SLC12A5: variants seen among roughly 807,000 people sequenced by gnomAD.
SLC12A5 encodes solute carrier family 12 member 5, also known as K-Cl cotransporter 2.
Under a neutral mutation model 124.0 loss-of-function variants are expected in SLC12A5, and 18 were observed. The observed-to-expected ratio is 0.15, with a 90% CI of 0.10 to 0.22. The LOEUF is 0.22. Ranked by LOEUF, SLC12A5 falls within the 10% of genes least tolerant of loss-of-function variation. The probability of loss-of-function intolerance (pLI) is 1.00; values close to 1 mark genes in which losing one functional copy is unlikely to be tolerated. For missense variants in SLC12A5, 867 were observed against 1,478.7 expected, an observed-to-expected ratio of 0.59 and a Z score of 6.78; for synonymous variants, 589 against 568.0, an observed-to-expected ratio of 1.04 and a Z score of -0.53.
chr20:46,060,124 CAAT>C lies in SLC12A5; in HGVS notation c.*2522_*2524del, dbSNP rs1413882628. The C allele has an allele frequency of 4.6e-5, 7 of 152,888 alleles. No homozygotes were observed. Among genetic ancestry groups the C allele is most frequent in the African/African-American group, 1.7e-4 (7 of 41,456 alleles). 9.5% of individuals were successfully genotyped at this position (152,888 alleles called of 1,614,324 possible). On this transcript the variant is annotated 3_prime_UTR_variant, in exon 26 of 26. Coordinates refer to ENST00000243964, the MANE Select transcript of SLC12A5 (RefSeq NM_020708.5). The stretch of plus-strand genomic sequence containing the variant: ...TTTAGACTCCCGTCTGCACAAAATG[CAAT>C]AAAAATAATTTTATTATACCCTTCA...
In SLC12A5 at chr20:46,041,491, T is replaced by C. The variant is rs746432944; in HGVS notation, c.1017T>C (p.Asn339=). ...ATCDEYFTRN[N]VTEIQGIPGA... is the part of the protein sequence containing the mutation. Reference sequence around the variant, plus strand: ...GTGATGAATACTTCACCCGAAACAATGTCACAGAGATCCAGGGCATCCCTG... The same window carrying C: ...GTGATGAATACTTCACCCGAAACAACGTCACAGAGATCCAGGGCATCCCTG... Residue 339 remains asparagine (N), a synonymous_variant, in exon 8 of 26, where the codon AAT becomes AAC. Transcript: ENST00000243964. The C allele has an allele frequency of 5.0e-6, 8 of 1,614,070 alleles. No individual in the cohort carries two copies. Among genetic ancestry groups the C allele is most frequent in the Non-Finnish European group, 6.8e-6 (8 of 1,180,014 alleles).
chr20:46,047,390 T>G, intron 14 of SLC12A5, 64 bp from the exon 15 acceptor site: 6 of 1,586,564 alleles, frequency 3.8e-6, no homozygotes, highest in Non-Finnish European at 5.2e-6. Flanking sequence ...TCTTGCTTTC[T>G]AAGTCCCAGC....
intron 11 of SLC12A5, 100 bp downstream of exon 11, chr20:46,044,033 G>A: frequency 1.7e-6 from 2 of 1,211,438 alleles, no homozygotes. Context: ...ACCTGTGTGA[G>A]GGGCCTGTGG....
Position 46,029,267 on chromosome 20 carries a change from G to A in SLC12A5, c.-78G>A, listed in dbSNP as rs1600585727. Reference sequence around the variant, plus strand: ...AGAGCGAGACAGAGCTACAGCGAACGAGAGAGCGGCGAAGGCGGGTAGAGG... The same window carrying A: ...AGAGCGAGACAGAGCTACAGCGAACAAGAGAGCGGCGAAGGCGGGTAGAGG... On this transcript the variant is annotated 5_prime_UTR_variant, in exon 1 of 26. Coordinates refer to ENST00000243964, the MANE Select transcript of SLC12A5 (RefSeq NM_020708.5). 5 of 1,500,858 alleles carry A rather than the reference G, an allele frequency of 3.3e-6. No individual in the cohort carries two copies. Among genetic ancestry groups the A allele is most frequent in the South Asian group, 1.3e-5 (1 of 76,360 alleles). The allele number at this position is 1,500,858 out of a possible 1,614,324, so 93.0% of individuals were successfully genotyped here. A position where few individuals can be genotyped will look rare whatever the true frequency, so the allele number is the denominator to read the frequency against.
intron 18 of SLC12A5, among the ~76,000 whole-genome samples, chr20:46,052,428 G>C (rs922971030): frequency 6.6e-6 from 1 of 152,196 alleles, no homozygotes; most frequent in Non-Finnish European, 1.5e-5. Flanking sequence ...AGCTGGGTTC[G>C]GTGGCTCACG....
chr20:46,023,599 C>T (rs549938440), downstream of SLC12A5: 194 of 396,844 alleles, frequency 4.9e-4, no homozygotes, highest in Admixed American at 7.9e-4. Context: ...ATTCTCTTTC[C>T]TCATTTGCTT....
At chr20:46,035,233 C>T (rs2084486711) in intron 2 of SLC12A5, 171 bp from the exon 3 acceptor site, 5 of 1,001,714 alleles carry the variant, frequency 5.0e-6, no homozygotes, top group Non-Finnish European at 7.6e-6. Flanking sequence ...GCCCTCTCCT[C>T]ATCCTACCAT....
rs368264831 is a variant in SLC12A5, at chr20:46,053,013, T to G, written c.2434T>G (p.Ser812Ala). ...HLALLVTKNV[S>A]MFPGNPERFS... ...AGCCCTGCTGGTCACCAAGAACGTT[T>G]CCATGTTTCCTGGGAACCCTGAGCG... Residue 812 changes from serine (S) to alanine (A), a missense_variant, in exon 19 of 26, where the codon TCC (serine) becomes GCC (alanine). Physicochemically the swap from Ser to Ala is moderately conservative, Grantham distance 99. Around this residue, in one of 9 missense-constraint regions of SLC12A5, gnomAD observed 110 missense variants for 149.9 expected, o/e 0.73. Transcript: ENST00000243964. The surrounding 1 kb of genome is among the most constrained non-coding windows in gnomAD (Gnocchi z 4.7). The G allele has an allele frequency of 8.1e-6, 13 of 1,613,982 alleles. No individual in the cohort carries two copies. The highest frequency in any genetic ancestry group is 1.3e-5 in the African/African-American group (1 of 74,922).
At chr20:46,027,621 G>A (rs1008744824), upstream of SLC12A5, 15 of 140,278 alleles carry the variant, frequency 1.1e-4, no homozygotes, top group African/African-American at 3.6e-4. Flanking sequence ...CATCTCAGAT[G>A]TAGTGCCTGT....
In SLC12A5 at chr20:46,043,089, C is replaced by G. The variant is rs1197299271; in HGVS notation, c.1067-64C>G. On this transcript the variant is annotated intron_variant, in intron 8 of 25. Transcript: ENST00000243964. The stretch of plus-strand genomic sequence containing the variant: ...CCTGACTTTTTGCCCCCTCCCACCT[C>G]CTGGTCCCAGAGCTCTGGTCCCCTT... The G allele has an allele frequency of 3.2e-6, 5 of 1,557,564 alleles. No individual in the cohort carries two copies. In the African/African-American group the frequency reaches 5.5e-5, roughly 17 times the overall value.
At position 46,041,401 on chromosome 20, in the gene SLC12A5, A is replaced by G. The variant is rs528584481; in HGVS notation, c.927A>G (p.Gly309=). ...TCTGTGCCAAGCTGGCTTGGGAAGGAAATGAGACGGTGACCACACGGCTAT... is the reference window on the plus strand; with the variant it reads ...TCTGTGCCAAGCTGGCTTGGGAAGGGAATGAGACGGTGACCACACGGCTAT... ...FDVCAKLAWE[G]NETVTTRLWG... is the part of the protein sequence containing the mutation. The change falls in exon 8 of 26, where the codon GGA becomes GGG. Residue 309 remains glycine, a synonymous_variant. Transcript: ENST00000243964. The G allele has an allele frequency of 1.9e-6, 3 of 1,614,122 alleles. No homozygotes were observed. The Admixed American group carries it at 5.0e-5, about 27-fold the overall frequency.
chr20:46,022,428 C>T (rs2084363648), intron 1 of SLC12A5, among the ~76,000 whole-genome samples: 1 of 78,512 alleles, frequency 1.3e-5, no homozygotes, highest in African/African-American at 5.5e-5. Context: ...GGGGTGGGGT[C>T]GAGGGCGGGA....
At chr20:46,035,650 G>T in intron 3 of SLC12A5, 115 bp downstream of exon 3, 1 of 1,502,944 alleles carries the variant, frequency 6.7e-7, no homozygotes, top group Non-Finnish European at 8.9e-7. Context: ...AAATCAGAAA[G>T]AAGAGGGATG....
At position 46,056,910 on chromosome 20, in the gene SLC12A5, T is replaced by C. The variant is rs1180424386; in HGVS notation, c.3124T>C (p.Leu1042=). Residue 1042 remains leucine, a splice_region_variant and synonymous_variant, in exon 24 of 26, where the codon TTG becomes CTG. Transcript: ENST00000243964. The surrounding 1 kb of genome is among the most constrained non-coding windows in gnomAD (Gnocchi z 4.3). ...FFSMKPEWEN[L]NQSNVRRMHT... ...TGTTTCCTGAAGGGAGTGGGAGAACTTGTAAGTGCTTCAGCATTTTTTCAT... is the reference window on the plus strand; with the variant it reads ...TGTTTCCTGAAGGGAGTGGGAGAACCTGTAAGTGCTTCAGCATTTTTTCAT... 1.9e-6 allele frequency: 3 copies of C among 1,614,140 alleles called. No individual in the cohort carries two copies. The highest frequency in any genetic ancestry group is 1.7e-6 in the Non-Finnish European group (2 of 1,180,004).
At chr20:46,025,238 T>G (rs1266653380), upstream of SLC12A5, among the ~76,000 whole-genome samples, 1 of 152,178 alleles carries the variant, frequency 6.6e-6, no homozygotes, top group Non-Finnish European at 1.5e-5. Context: ...CATGTTTCAG[T>G]CTCTCCATCT....
chr20:46,036,654 G>T, intron 4 of SLC12A5, 87 bp from the exon 5 acceptor site: 1 of 1,429,168 alleles, frequency 7.0e-7, no homozygotes, highest in Non-Finnish European at 9.8e-7. Flanking sequence ...GGTTTGGCTG[G>T]TGTTTATGGG....
At chr20:46,024,331 G>A (rs2084379312), upstream of SLC12A5, among the ~76,000 whole-genome samples, 1 of 152,174 alleles carries the variant, frequency 6.6e-6, no homozygotes, top group South Asian at 2.1e-4. Context: ...GTGCAGGAGT[G>A]TATTGGAAGT....
chr20:46,054,535 T>G (rs895410012), intron 20 of SLC12A5, among the ~76,000 whole-genome samples: 1 of 152,248 alleles, frequency 6.6e-6, no homozygotes, highest in East Asian at 1.9e-4. Flanking sequence ...CATGTATTCA[T>G]TGAAGTATTC....
intron 11 of SLC12A5, among the ~76,000 whole-genome samples, chr20:46,044,165 T>C (rs1017714327): frequency 6.6e-6 from 1 of 152,236 alleles, no homozygotes; most frequent in African/African-American, 2.4e-5. Flanking sequence ...ACTTTCCTTT[T>C]CTTTAAAATG....
Sources: allele counts gnomAD v4.1 joint callset (sites outside exome capture counted in the v4.1 genomes callset), GRCh38; gene constraint gnomAD v4.1.1; regional missense constraint gnomAD v4.1.1; non-coding constraint Gnocchi (gnomAD v3.1); transcripts MANE v1.5; gene names NCBI Gene and HGNC (gene_info 2026-07-23, HGNC 2026-07-21).